The following CHLSN variants were observed in gnomAD, a reference collection of about 807,000 sequenced individuals.
CHLSN encodes the protein cholesin, also known as protein cholesin.
At chr7:1,068,984 C>T in the CHLSN span, among the ~76,000 whole-genome samples, 7 of 152,132 alleles carry the variant, frequency 4.6e-5, no homozygotes, top group Non-Finnish European at 8.8e-5. Context: ...TTGTTGTGAC[C>T]GTGCTGGGTG....
chr7:1,107,062 G>A, the CHLSN span, among the ~76,000 whole-genome samples: 6 of 152,204 alleles, frequency 3.9e-5, no homozygotes, highest in East Asian at 7.7e-4. Flanking sequence ...TGGAAGGAAC[G>A]CAGACTCGAC....
At chr7:995,524 T>G in the CHLSN span, among the ~76,000 whole-genome samples, 11 of 152,246 alleles carry the variant, frequency 7.2e-5, no homozygotes, top group African/African-American at 2.4e-4. Context: ...CAGCCCTGCC[T>G]TCTGGAGGCT....
At chr7:1,022,728 A>C in the CHLSN span, among the ~76,000 whole-genome samples, 1 of 152,158 alleles carries the variant, frequency 6.6e-6, no homozygotes, top group Non-Finnish European at 1.5e-5. Context: ...AAGCTCTCAA[A>C]TTCTTTAAAG....
chr7:1,002,488 G>A, the CHLSN span, among the ~76,000 whole-genome samples: 966 of 106,462 alleles, frequency 9.1e-3, 15 homozygotes, highest in African/African-American at 0.038. Context: ...TGGGTGGGGA[G>A]TCCTGTGGGT....
the CHLSN span, among the ~76,000 whole-genome samples, chr7:1,001,703 GGGGAGTCCTGTGGGTT>G: frequency 4.7e-5 from 6 of 126,346 alleles, no homozygotes; most frequent in Non-Finnish European, 5.0e-5. Flanking sequence ...TCCTGCGGGT[GGGGAGTCCTGTGGGTT>G]AGTGGAGTCC....
chr7:987,337 T>A, the CHLSN span: 1 of 1,568,002 alleles, frequency 6.4e-7, no homozygotes, highest in South Asian at 1.1e-5. Flanking sequence ...CGGCCCACCC[T>A]TTGCCCCAGG....
At chr7:986,670 G>C in the CHLSN span, 3 of 1,612,632 alleles carry the variant, frequency 1.9e-6, no homozygotes, top group Admixed American at 1.7e-5. Context: ...CAGCTGCACC[G>C]GCCCGTCCTG....
At chr7:1,125,535 A>C in the CHLSN span, among the ~76,000 whole-genome samples, 1 of 152,252 alleles carries the variant, frequency 6.6e-6, no homozygotes, top group Non-Finnish European at 1.5e-5. Flanking sequence ...ACTTACTGAT[A>C]GAGCTTTAAA....
At chr7:1,065,309 C>A in the CHLSN span, among the ~76,000 whole-genome samples, 1 of 152,248 alleles carries the variant, frequency 6.6e-6, no homozygotes, top group Admixed American at 6.5e-5. Context: ...TGTCCCAATT[C>A]CAGACATTTA....
the CHLSN span, among the ~76,000 whole-genome samples, chr7:1,134,299 C>T: frequency 4.0e-5 from 6 of 151,854 alleles, no homozygotes; most frequent in South Asian, 2.1e-4. Context: ...CAAGGCTGAG[C>T]GCAGTGGCTC....
chr7:1,118,629 A>T, the CHLSN span, among the ~76,000 whole-genome samples: 2 of 152,070 alleles, frequency 1.3e-5, no homozygotes, highest in African/African-American at 4.8e-5. Context: ...TCACACAAAT[A>T]AGAGGCCAAG....
At chr7:1,054,395 A>G in the CHLSN span, among the ~76,000 whole-genome samples, 26 of 152,350 alleles carry the variant, frequency 1.7e-4, no homozygotes, top group African/African-American at 5.5e-4. Context: ...CTGCCAGTAA[A>G]CAAAAATGCA....
At chr7:1,104,777 T>C in the CHLSN span, among the ~76,000 whole-genome samples, 1 of 152,190 alleles carries the variant, frequency 6.6e-6, no homozygotes, top group Non-Finnish European at 1.5e-5. Context: ...AAAAATAATT[T>C]TGAAAAGACC....
At chr7:995,923 T>A in the CHLSN span, among the ~76,000 whole-genome samples, 1 of 152,202 alleles carries the variant, frequency 6.6e-6, no homozygotes, top group African/African-American at 2.4e-5. Context: ...CCTCATCTCC[T>A]TCCCACAGCT....
At chr7:1,036,141 C>G in the CHLSN span, among the ~76,000 whole-genome samples, 1 of 152,140 alleles carries the variant, frequency 6.6e-6, no homozygotes, top group East Asian at 1.9e-4. Context: ...GCACAGGGCC[C>G]TTTTGGGGCA....
the CHLSN span, chr7:1,058,025 T>G: frequency 1.3e-6 from 1 of 769,684 alleles, no homozygotes; most frequent in Non-Finnish European, 2.4e-6. Flanking sequence ...TCTGCAGCCA[T>G]GTGTCCACCC....
chr7:1,058,362 C>G, the CHLSN span: 139 of 780,098 alleles, frequency 1.8e-4, no homozygotes, highest in East Asian at 3.2e-3. Flanking sequence ...TTTCTCCAAA[C>G]TCCTGGCCTT....
the CHLSN span, among the ~76,000 whole-genome samples, chr7:995,089 G>A: frequency 3.3e-5 from 5 of 152,224 alleles, no homozygotes; most frequent in Admixed American, 1.3e-4. Flanking sequence ...CCGCACAAGC[G>A]CCAGCTGAGA....
At chr7:1,107,157 T>C in the CHLSN span, among the ~76,000 whole-genome samples, 48 of 151,136 alleles carry the variant, frequency 3.2e-4, no homozygotes, top group South Asian at 0.01. Context: ...GAGGAAGCCA[T>C]GTGTCCATGT....
Sources: gnomAD v4.1 joint callset for allele counts (sites outside exome capture counted in the v4.1 genomes callset) on GRCh38, gnomAD v4.1.1 for gene constraint, MANE v1.5 for transcripts, NCBI Gene and HGNC (gene_info 2026-07-23, HGNC 2026-07-21) for gene names.